The following KLHL12 variants were observed in gnomAD, a reference collection of about 807,000 sequenced individuals.
KLHL12 encodes the protein kelch-like protein 12.
KLHL12 carries 17 observed loss-of-function variants against 60.8 expected under a neutral mutation model. That is an observed-to-expected ratio of 0.28 (90% CI 0.19 to 0.42). The LOEUF (loss-of-function observed/expected upper bound fraction) is 0.42, where lower values mean the gene tolerates loss of function less well. Among genes scored for constraint, KLHL12 ranks in the 10% least tolerant of loss-of-function variants. The probability of loss-of-function intolerance (pLI) is 1.00; values close to 1 mark genes in which losing one functional copy is unlikely to be tolerated. For missense variants in KLHL12, 468 were observed against 722.3 expected (o/e 0.65, Z 4.04); for synonymous variants, 220 against 250.9 (o/e 0.88, Z 1.16).
chr1:202,895,674 T>C lies in KLHL12; in HGVS notation c.983A>G (p.His328Arg). 6 of 1,614,168 alleles carry C rather than the reference T, an allele frequency of 3.7e-6. No homozygotes were observed. The highest frequency in any genetic ancestry group is 5.1e-6 in the Non-Finnish European group (6 of 1,180,012). The change falls in exon 8 of 12, where the codon CAT becomes CGT. Residue 328 changes from histidine to arginine, a missense_variant. His to Arg is a conservative substitution (Grantham distance 29, BLOSUM62 0). Coordinates refer to ENST00000367261, the MANE Select transcript of KLHL12 (RefSeq NM_021633.4). This position sits in a 1 kb window ranked among gnomAD's most constrained non-coding sequence, Gnocchi z 4.2. ...GCCACCAATGACGTAGATCCGGTCA[T>C]GAAGGGACACTGAGGCCACATAACG... is the stretch of plus-strand genomic sequence containing the variant. ...KRRYVASVSL[H>R]DRIYVIGGYD...
chr1:202,925,346 G>A (rs1653481539), intron 1 of KLHL12, 139 bp from the exon 2 acceptor site: 3 of 915,330 alleles, frequency 3.3e-6, no homozygotes, highest in Non-Finnish European at 4.8e-6. Flanking sequence ...TCCTATGCCT[G>A]GCATCACCAC....
At chr1:202,903,615 A>G (rs140525542) in intron 6 of KLHL12, among the ~76,000 whole-genome samples, 549 of 44,858 alleles carry the variant, frequency 0.012, 12 homozygotes, top group African/African-American at 0.032. Flanking sequence ...TGGGACCACT[A>G]ATTTTTTTCT....
At chr1:202,906,066 G>A (rs529203549) in intron 6 of KLHL12, among the ~76,000 whole-genome samples, 96 of 137,328 alleles carry the variant, frequency 7.0e-4, no homozygotes, top group Non-Finnish European at 1.2e-3. Flanking sequence ...TGATCCACCC[G>A]CCTCGGCCTC....
intron 3 of KLHL12, among the ~76,000 whole-genome samples, chr1:202,918,709 T>C (rs1386058001): frequency 1.3e-5 from 2 of 152,180 alleles, no homozygotes; most frequent in Non-Finnish European, 2.9e-5. Flanking sequence ...ATAAAACCAA[T>C]TGCGAATTCA....
chr1:202,914,326 T>C (rs993463916), intron 4 of KLHL12, among the ~76,000 whole-genome samples: 2 of 152,204 alleles, frequency 1.3e-5, no homozygotes, highest in African/African-American at 4.8e-5. Context: ...TGGACTATAG[T>C]TGTGGCAGTG....
At position 202,909,736 on chromosome 1, in the gene KLHL12, G is replaced by A. The variant is rs1335491151; in HGVS notation, c.718-612C>T. Among the ~76,000 whole-genome samples, 1 of 152,104 alleles carries A rather than the reference G, an allele frequency of 6.6e-6. No individual in the cohort carries two copies. The highest frequency in any genetic ancestry group is 1.5e-5 in the Non-Finnish European group (1 of 68,026). On this transcript the variant is annotated intron_variant, in intron 5 of 11. Transcript: ENST00000367261. The surrounding 1 kb of genome is among the most constrained non-coding windows in gnomAD (Gnocchi z 4.1). ...GCCTTCTAGCTTCTGGTTGGGATCA[G>A]CCCAACCAAAGGTCAAGGTTTCTCT...
rs373543513 is a variant in KLHL12, at chr1:202,895,754, G to T, written c.940-37C>A. 6.1e-5 allele frequency: 95 copies of T among 1,567,916 alleles called. No homozygotes were observed. Among genetic ancestry groups the T allele is most frequent in the Non-Finnish European group, 7.1e-5 (81 of 1,144,492 alleles). Reference sequence around the variant, plus strand: ...GAGAGAAGAGGTACAGAGCATTTCAGTTAGGCAAGTTTTGGGCCTTACCTT... The same window carrying T: ...GAGAGAAGAGGTACAGAGCATTTCATTTAGGCAAGTTTTGGGCCTTACCTT... On this transcript the variant is annotated intron_variant, in intron 7 of 11. Coordinates refer to ENST00000367261, the MANE Select transcript of KLHL12 (RefSeq NM_021633.4). The surrounding 1 kb of genome is among the most constrained non-coding windows in gnomAD (Gnocchi z 4.2).
intron 3 of KLHL12, among the ~76,000 whole-genome samples, 181 bp from the exon 4 acceptor site, chr1:202,918,569 G>A (rs1402212709): frequency 6.6e-6 from 1 of 152,156 alleles, no homozygotes; most frequent in African/African-American, 2.4e-5. Context: ...CTTATGTACT[G>A]TGCCACTTTC....
At chr1:202,902,196 CTGAGA>C (rs2102417991) in intron 6 of KLHL12, among the ~76,000 whole-genome samples, 1 of 152,266 alleles carries the variant, frequency 6.6e-6, no homozygotes, top group East Asian at 1.9e-4. Context: ...CTTTGGGAGG[CTGAGA>C]TGAGTGGATC....
chr1:202,905,634 T>C (rs1367931384), intron 6 of KLHL12, among the ~76,000 whole-genome samples: 3 of 152,248 alleles, frequency 2.0e-5, no homozygotes, highest in Admixed American at 2.0e-4. Context: ...CAGACACTTT[T>C]GGATTTTTGT....
chr1:202,911,139 C>A lies in KLHL12; in HGVS notation c.632G>T (p.Arg211Leu). 6.2e-7 allele frequency: 1 copy of A among 1,614,090 alleles called. No individual in the cohort carries two copies. Among genetic ancestry groups the A allele is most frequent in the Non-Finnish European group, 8.5e-7 (1 of 1,180,004 alleles). The change falls in exon 5 of 12, where the codon CGG (arginine) becomes CTG (leucine). Residue 211 changes from arginine to leucine, a missense_variant. Arg to Leu is a moderately radical substitution (Grantham distance 102). Transcript: ENST00000367261. The part of the protein sequence containing the change: ...INWVKHAKKE[R>L]EESLPNLLQY... ...TAGCAGGTTAGGCAAGGATTCTTCC[C>A]GCTCTTTCTTGGCATGCTTCACCCA...
chr1:202,927,320 G>C (rs1322422717), upstream of KLHL12: 4 of 948,336 alleles, frequency 4.2e-6, no homozygotes, highest in East Asian at 1.2e-4. Context: ...ACGTGAGGAG[G>C]TGGTGTCACG....
chr1:202,923,644 C>G (rs1016591618), intron 2 of KLHL12, among the ~76,000 whole-genome samples: 1 of 152,192 alleles, frequency 6.6e-6, no homozygotes, highest in Non-Finnish European at 1.5e-5. Flanking sequence ...CTAGCACTTA[C>G]AAGCCATGGG....
Position 202,925,032 on chromosome 1 carries a change from A to T in KLHL12, c.131T>A (p.Phe44Tyr). The change falls in exon 2 of 12, where the codon TTC becomes TAC. Residue 44 changes from phenylalanine (F) to tyrosine (Y), a missense_variant. By Grantham distance (22) the Phe-to-Tyr change is conservative. Transcript: ENST00000367261. ...AGCCAGCACAATCCGATGGGCAGGG[A>T]AGTCTTTCTGCTCTACTCTCAATGT... ...DVTLRVEQKDFPAHRIVLAAC... is the reference protein window; with the variant it reads ...DVTLRVEQKDYPAHRIVLAAC... 1 of 1,614,190 alleles carries T rather than the reference A, an allele frequency of 6.2e-7. No homozygotes were observed. The highest frequency in any genetic ancestry group is 8.5e-7 in the Non-Finnish European group (1 of 1,180,022).
rs1331233258 is a variant in KLHL12, at chr1:202,922,556, GGCTCACTGCCAGCTCC to G, written c.195+2396_195+2411del. Among the ~76,000 whole-genome samples, 15 of 151,716 alleles carry G rather than the reference GGCTCACTGCCAGCTCC, an allele frequency of 9.9e-5. No individual in the cohort carries two copies. In the East Asian group the frequency reaches 2.7e-3, roughly 27 times the overall value. On this transcript the variant is annotated intron_variant, in intron 2 of 11. Transcript: ENST00000367261. ...GGCTGGAGTGCAGTGGCGTGATCTGGGCTCACTGCCAGCTCCGCCTCCCGGGTTCACGCCATTCTCC... is the reference window on the plus strand; with the variant it reads ...GGCTGGAGTGCAGTGGCGTGATCTGGGCCTCCCGGGTTCACGCCATTCTCC...
intron 2 of KLHL12, among the ~76,000 whole-genome samples, chr1:202,920,369 ATTTTTTTTTTT>A (rs951695987): frequency 9.5e-5 from 8 of 83,806 alleles, no homozygotes; most frequent in African/African-American, 3.3e-4. Flanking sequence ...ATTTTGTTGG[ATTTTTTTTTTT>A]TTTTTTTTTT....
intron 4 of KLHL12, 39 bp downstream of exon 4, chr1:202,918,132 C>G (rs574842739): frequency 1.4e-6 from 2 of 1,468,492 alleles, no homozygotes; most frequent in Admixed American, 3.5e-5. Flanking sequence ...TGTAATTGCC[C>G]AATCTTGAAG....
intron 1 of KLHL12, among the ~76,000 whole-genome samples, chr1:202,926,369 G>A (rs1421156213): frequency 6.6e-6 from 1 of 152,112 alleles, no homozygotes; most frequent in Non-Finnish European, 1.5e-5. Flanking sequence ...TCTTTCAACA[G>A]GAAAAATGAG....
intron 6 of KLHL12, among the ~76,000 whole-genome samples, chr1:202,901,064 AC>A (rs1659991684): frequency 6.6e-6 from 1 of 151,604 alleles, no homozygotes; most frequent in Non-Finnish European, 1.5e-5. Context: ...TAAAGAAAAA[AC>A]CCCTCTCTTT....
Sources: gnomAD v4.1 joint callset for allele counts (sites outside exome capture counted in the v4.1 genomes callset) on GRCh38, gnomAD v4.1.1 for gene constraint, Gnocchi (gnomAD v3.1) non-coding constraint, MANE v1.5 for transcripts, NCBI Gene and HGNC (gene_info 2026-07-23, HGNC 2026-07-21) for gene names.